KCNMA1: variants seen among roughly 807,000 people sequenced by gnomAD.
The protein encoded by KCNMA1 is potassium calcium-activated channel subfamily M alpha 1.
In KCNMA1, 29 loss-of-function variants were observed where a neutral mutation model predicts 140.0. The observed-to-expected ratio is 0.21, with a 90% confidence interval of 0.15 to 0.28. The LOEUF (loss-of-function observed/expected upper bound fraction) is 0.28. Among genes scored for constraint, KCNMA1 ranks in the 10% least tolerant of loss-of-function variants. KCNMA1 has a pLI of 1.00. For missense variants in KCNMA1, 880 were observed against 1,602.2 expected, an observed-to-expected ratio of 0.55 and a Z score of 7.70; for synonymous variants, 612 against 611.9, an observed-to-expected ratio of 1.00 and a Z score of 0.00.
intron 24 of KCNMA1, chr10:76,910,322 C>A: frequency 1.9e-6 from 1 of 521,432 alleles, no homozygotes; most frequent in Non-Finnish European, 3.5e-6. Flanking sequence ...TAAGTTCAAG[C>A]AGGCTTGCTC....
intron 1 of KCNMA1, among the ~76,000 whole-genome samples, chr10:77,589,622 C>T (rs940771463): frequency 2.6e-5 from 4 of 152,112 alleles, no homozygotes; most frequent in African/African-American, 7.2e-5. Context: ...CGCAGACCCT[C>T]GCGGTGAGTG....
In KCNMA1 at chr10:77,251,198, G is replaced by A; in HGVS notation, c.599C>T (p.Ser200Leu). 1.2e-6 allele frequency: 2 copies of A among 1,604,576 alleles called. No homozygotes were observed. The highest frequency in any genetic ancestry group is 1.7e-6 in the Non-Finnish European group (2 of 1,171,460). The change falls in exon 3 of 28, where the codon TCA becomes TTA. Residue 200 changes from serine (S) to leucine (L), a missense_variant. Physicochemically the swap from Ser to Leu is moderately radical, Grantham distance 145. Around this residue, in one of 13 missense-constraint regions of KCNMA1, gnomAD observed 198 missense variants for 580.1 expected, o/e 0.34. Transcript: ENST00000286628. ...GALVIYFIDS[S>L]NPIESCQNFY... ...GAAAGTATATTTGAATACTCACTTT[G>A]ATGAATCTATGAAGTATATTACAAG...
chr10:76,914,824 CCCATAG>C, intron 24 of KCNMA1, 106 bp downstream of exon 24: 1 of 817,978 alleles, frequency 1.2e-6, no homozygotes, highest in Non-Finnish European at 2.2e-6. Context: ...CAAAACAAAC[CCCATAG>C]CAGCTACAAA....
chr10:77,176,937 C>A (rs1335195093), intron 5 of KCNMA1, among the ~76,000 whole-genome samples: 1 of 152,052 alleles, frequency 6.6e-6, no homozygotes, highest in Non-Finnish European at 1.5e-5. Context: ...AATGTAATCA[C>A]AAGAGTCCTT....
chr10:77,050,280 A>T (rs75523939), intron 14 of KCNMA1, among the ~76,000 whole-genome samples: 1,052 of 102,966 alleles, frequency 0.01, 12 homozygotes, highest in African/African-American at 0.028. Flanking sequence ...TTTCTAAAAA[A>T]AAAAAATAAA....
At chr10:77,637,018 A>T (rs1193568737) in intron 1 of KCNMA1, 6 of 1,409,980 alleles carry the variant, frequency 4.3e-6, no homozygotes, top group Non-Finnish European at 5.5e-6. Context: ...TACAATAAAC[A>T]AGAGGACAGG....
At chr10:77,413,734 C>A (rs1280331697) in intron 1 of KCNMA1, among the ~76,000 whole-genome samples, 1 of 152,178 alleles carries the variant, frequency 6.6e-6, no homozygotes, top group Non-Finnish European at 1.5e-5. Flanking sequence ...CTGCTCTGCA[C>A]CCCGGAGACT....
At chr10:77,128,147 G>C (rs2153977799) in intron 5 of KCNMA1, among the ~76,000 whole-genome samples, 1 of 152,032 alleles carries the variant, frequency 6.6e-6, no homozygotes. Context: ...AGTGGCCTTT[G>C]CCAGTCTGCC....
chr10:76,940,985 G>GAC (rs2061799447), intron 23 of KCNMA1, among the ~76,000 whole-genome samples: 1 of 130,316 alleles, frequency 7.7e-6, no homozygotes, highest in African/African-American at 3.2e-5. Flanking sequence ...AAGAAAGAGA[G>GAC]AAAGAGAGAA....
intron 25 of KCNMA1, chr10:76,905,024 T>G (rs933339956): frequency 6.6e-5 from 10 of 152,194 alleles, no homozygotes; most frequent in African/African-American, 2.4e-4. Flanking sequence ...AATCTGGGAC[T>G]CTGCCTTCTG....
At chr10:77,411,835 G>C (rs1412661556) in intron 1 of KCNMA1, among the ~76,000 whole-genome samples, 1 of 152,210 alleles carries the variant, frequency 6.6e-6, no homozygotes, top group Non-Finnish European at 1.5e-5. Flanking sequence ...GTGGAGCAGA[G>C]TATCACATTG....
At chr10:77,630,724 C>T (rs532467808) in intron 1 of KCNMA1, among the ~76,000 whole-genome samples, 2 of 152,000 alleles carry the variant, frequency 1.3e-5, no homozygotes, top group African/African-American at 2.4e-5. Context: ...GCCTGTGTCT[C>T]GCCAGACCAG....
chr10:77,367,032 A>T (rs150129273), intron 2 of KCNMA1, among the ~76,000 whole-genome samples: 1 of 152,238 alleles, frequency 6.6e-6, no homozygotes, highest in African/African-American at 2.4e-5. Context: ...GGAGAGAAAC[A>T]TCTGAAAAGT....
chr10:77,480,476 C>G (rs2098369393), intron 1 of KCNMA1, among the ~76,000 whole-genome samples: 1 of 152,214 alleles, frequency 6.6e-6, no homozygotes, highest in African/African-American at 2.4e-5. Flanking sequence ...GGCCATCAGA[C>G]AGGGACACGT....
rs538481845 is a variant in KCNMA1 at position 77,413,333 on chromosome 10, C to T, written c.379-9310G>A. 5.9e-5 allele frequency among the ~76,000 whole-genome samples: 9 copies of T among 152,214 alleles called. No individual in the cohort carries two copies. In the South Asian group the frequency reaches 1.7e-3, roughly 28 times the overall value. ...TCCTTCGCCTCAGGTTTTCACCAGC[C>T]CCGAATGCTGGGGCTGGGTCTTCCG... On this transcript the variant is annotated intron_variant, in intron 1 of 27. Transcript: ENST00000286628.
intron 13 of KCNMA1, 143 bp from the exon 14 acceptor site, chr10:77,073,395 G>T: frequency 3.7e-6 from 3 of 816,034 alleles, no homozygotes; most frequent in Non-Finnish European, 6.1e-6. Flanking sequence ...TCTGATGTTT[G>T]CTGTTTTATG....
At chr10:77,549,625 CT>C (rs2062263725) in intron 1 of KCNMA1, among the ~76,000 whole-genome samples, 1 of 152,228 alleles carries the variant, frequency 6.6e-6, no homozygotes, top group Non-Finnish European at 1.5e-5. Flanking sequence ...CTAAGATGAG[CT>C]ATGCCCTACA....
At chr10:77,561,957 C>A (rs954816075) in intron 1 of KCNMA1, among the ~76,000 whole-genome samples, 12 of 152,166 alleles carry the variant, frequency 7.9e-5, no homozygotes, top group African/African-American at 2.4e-4. Flanking sequence ...AACTCTTGAG[C>A]CATATAGAAT....
intron 2 of KCNMA1, among the ~76,000 whole-genome samples, chr10:77,331,101 C>A (rs1275881798): frequency 6.8e-6 from 1 of 147,720 alleles, no homozygotes; most frequent in Non-Finnish European, 1.5e-5. Flanking sequence ...CTCCCTGCCC[C>A]CCATGTACCT....
Sources: gnomAD v4.1 joint callset for allele counts (sites outside exome capture counted in the v4.1 genomes callset) on GRCh38, gnomAD v4.1.1 for gene constraint, gnomAD v4.1.1 regional missense constraint, MANE v1.5 for transcripts, NCBI Gene and HGNC (gene_info 2026-07-23, HGNC 2026-07-21) for gene names.